NEDD4: variants seen among roughly 807,000 people sequenced by gnomAD.
NEDD4 encodes E3 ubiquitin-protein ligase NEDD4.
In NEDD4, 99 loss-of-function variants were observed where a neutral mutation model predicts 144.9. The observed-to-expected ratio is 0.68, with a 90% CI of 0.58 to 0.81. The LOEUF (loss-of-function observed/expected upper bound fraction) is 0.81. Among genes scored for constraint, NEDD4 ranks in the 30% least tolerant of loss-of-function variants. The probability of loss-of-function intolerance (pLI) is 0.00; values close to 1 mark genes in which losing one functional copy is unlikely to be tolerated. For missense variants in NEDD4, 985 were observed against 1,065.9 expected, an observed-to-expected ratio of 0.92 and a Z score of 1.06; for synonymous variants, 318 against 350.6, an observed-to-expected ratio of 0.91 and a Z score of 1.04.
At chr15:55,850,455 C>T in intron 14 of NEDD4, 87 bp downstream of exon 14, 1 of 1,227,454 alleles carries the variant, frequency 8.1e-7, no homozygotes, top group Non-Finnish European at 1.2e-6. Flanking sequence ...ATAGGTTATA[C>T]TAATACATAC....
intron 4 of NEDD4, among the ~76,000 whole-genome samples, chr15:55,936,511 T>C (rs560587276): frequency 6.6e-6 from 1 of 152,186 alleles, no homozygotes; most frequent in African/African-American, 2.4e-5. Context: ...CATTTCTCTT[T>C]ATTAAAAAAA....
intron 1 of NEDD4, among the ~76,000 whole-genome samples, chr15:55,982,662 G>C (rs2037823079): frequency 6.6e-6 from 1 of 152,182 alleles, no homozygotes. Flanking sequence ...TGGGTCATTG[G>C]CTTTACATGT....
chr15:55,864,226 A>G (rs1284084895), intron 8 of NEDD4, among the ~76,000 whole-genome samples: 4 of 152,206 alleles, frequency 2.6e-5, no homozygotes, highest in Admixed American at 2.6e-4. Flanking sequence ...AAACTGGTGA[A>G]GAAAACTTTA....
At position 55,974,887 on chromosome 15, in the gene NEDD4, C is replaced by CTTTTTTTTTTTTT. The variant is rs2037672792; in HGVS notation, c.46-8342_46-8341insAAAAAAAAAAAAA. 5.5e-5 allele frequency among the ~76,000 whole-genome samples: 4 copies of CTTTTTTTTTTTTT among 72,160 alleles called. No homozygotes were observed. The East Asian group carries it at 1.7e-3, about 30-fold the overall frequency. The allele number at this position is 72,160 out of a possible 152,430, so 47.3% of individuals were successfully genotyped here. A position where few individuals can be genotyped will look rare whatever the true frequency, so the allele number is the denominator to read the frequency against. On this transcript the variant is annotated intron_variant, in intron 1 of 28. Coordinates refer to ENST00000435532, the MANE Select transcript of NEDD4 (RefSeq NM_006154.4). Reference sequence around the variant, plus strand: ...AAGATAAGGATGTCCATTTCTTTTCCTTTCTTTTTTTTTTTTTTTTTTTTT... The same window carrying CTTTTTTTTTTTTT: ...AAGATAAGGATGTCCATTTCTTTTCCTTTTTTTTTTTTTTTTCTTTTTTTTTTTTTTTTTTTTT...
Position 55,856,193 on chromosome 15 carries a change from G to T in NEDD4, c.964C>A (p.His322Asn). ...TGTAAGCTGCCTCTTCTGCTGGAATGATTCTTGTGAAAAAACAAGACAACA... is the reference window on the plus strand; with the variant it reads ...TGTAAGCTGCCTCTTCTGCTGGAATTATTCTTGTGAAAAAACAAGACAACA... Reference protein sequence around the residue: ...AVSQPASSSNHSSRRGSLQAY... With the variant: ...AVSQPASSSNNSSRRGSLQAY... The change falls in exon 12 of 29, where the codon CAT becomes AAT. Residue 322 changes from histidine (H) to asparagine (N), a missense_variant. Physicochemically the swap from His to Asn is moderately conservative, Grantham distance 68. Coordinates refer to ENST00000435532, the MANE Select transcript of NEDD4 (RefSeq NM_006154.4). 1.2e-6 allele frequency: 2 copies of T among 1,609,898 alleles called. No homozygotes were observed. Among genetic ancestry groups the T allele is most frequent in the South Asian group, 2.2e-5 (2 of 89,894 alleles).
At chr15:55,909,868 T>C (rs2036214251) in intron 5 of NEDD4, among the ~76,000 whole-genome samples, 1 of 152,206 alleles carries the variant, frequency 6.6e-6, no homozygotes, top group Admixed American at 6.5e-5. Context: ...AGCTCTATTT[T>C]GTCTCGTCTT....
chr15:55,982,932 G>A (rs2037827370), intron 1 of NEDD4, among the ~76,000 whole-genome samples: 1 of 152,188 alleles, frequency 6.6e-6, no homozygotes, highest in African/African-American at 2.4e-5. Context: ...GACCAGCCTG[G>A]CCAACATGGT....
chr15:55,916,646 T>C, intron 5 of NEDD4: 6 of 1,614,008 alleles, frequency 3.7e-6, no homozygotes, highest in Non-Finnish European at 5.1e-6. Context: ...CGTTTTCCTT[T>C]ATTAACGGAG....
chr15:55,909,187 G>A (rs1355161078), intron 5 of NEDD4, among the ~76,000 whole-genome samples: 1 of 152,182 alleles, frequency 6.6e-6, no homozygotes, highest in Non-Finnish European at 1.5e-5. Flanking sequence ...CTTGTTCAAG[G>A]TGTTCTTTGT....
chr15:55,913,745 C>T (rs2036346716), intron 5 of NEDD4, among the ~76,000 whole-genome samples: 1 of 151,964 alleles, frequency 6.6e-6, no homozygotes, highest in South Asian at 2.1e-4. Flanking sequence ...TTAAAAAACA[C>T]ATTTAAAATA....
At chr15:55,988,013 G>A (rs1373226506) in intron 1 of NEDD4, 3 of 151,314 alleles carry the variant, frequency 2.0e-5, no homozygotes, top group Non-Finnish European at 2.9e-5. Context: ...TGTGAAGAAA[G>A]TCATTGCACA....
chr15:55,851,529 T>C (rs1046220903), intron 13 of NEDD4, among the ~76,000 whole-genome samples: 1 of 151,938 alleles, frequency 6.6e-6, no homozygotes, highest in East Asian at 1.9e-4. Flanking sequence ...CAGGCTGGAG[T>C]GCAATGGCAT....
chr15:55,913,577 T>C (rs1432721047), intron 5 of NEDD4, among the ~76,000 whole-genome samples: 2 of 152,064 alleles, frequency 1.3e-5, no homozygotes, highest in Non-Finnish European at 2.9e-5. Flanking sequence ...CACTTCTGAA[T>C]TATTTTATAA....
At chr15:55,908,975 AAGTTT>A (rs1431881608) in intron 5 of NEDD4, among the ~76,000 whole-genome samples, 3 of 152,224 alleles carry the variant, frequency 2.0e-5, no homozygotes, top group South Asian at 2.1e-4. Context: ...ATACTTAACT[AAGTTT>A]AGTTATAACT....
intron 7 of NEDD4, among the ~76,000 whole-genome samples, chr15:55,870,915 A>G (rs1382899204): frequency 6.6e-6 from 1 of 152,058 alleles, no homozygotes; most frequent in Non-Finnish European, 1.5e-5. Flanking sequence ...AGCTCTCTAT[A>G]TAGATTTTTT....
chr15:55,852,529 T>G lies in NEDD4; in HGVS notation c.1041A>C (p.Ser347=). 1 of 1,613,172 alleles carries G rather than the reference T, an allele frequency of 6.2e-7. No individual in the cohort carries two copies. Among genetic ancestry groups the G allele is most frequent in the Non-Finnish European group, 8.5e-7 (1 of 1,179,562 alleles). The change falls in exon 13 of 29, where the codon TCA becomes TCC. Residue 347 remains serine (S), a synonymous_variant. Coordinates refer to ENST00000435532, the MANE Select transcript of NEDD4 (RefSeq NM_006154.4). ...QPTLPVLLPT[S]SGLPPGWEEK... Reference sequence around the variant, plus strand: ...CTTCCCAACCTGGTGGTAATCCAGATGAAGTAGGCAAAAGCTAAAGTGAAG... The same window carrying G: ...CTTCCCAACCTGGTGGTAATCCAGAGGAAGTAGGCAAAAGCTAAAGTGAAG...
Position 55,873,944 on chromosome 15 carries a change from A to C in NEDD4, c.342+14T>G. On this transcript the variant is annotated intron_variant, in intron 6 of 28. Transcript: ENST00000435532. ...AATAAGCCCAAAAGGAAAATCATGGACACCTATACCAACCGGTAATGGATA... is the reference window on the plus strand; with the variant it reads ...AATAAGCCCAAAAGGAAAATCATGGCCACCTATACCAACCGGTAATGGATA... 6.9e-7 allele frequency: 1 copy of C among 1,455,588 alleles called. No individual in the cohort carries two copies. Among genetic ancestry groups the C allele is most frequent in the Non-Finnish European group, 9.2e-7 (1 of 1,086,068 alleles). 90.2% of individuals were successfully genotyped at this position (1,455,588 alleles called of 1,614,324 possible).
At position 55,827,833 on chromosome 15, in the gene NEDD4, CTT is replaced by C. The variant is rs1170940337; in HGVS notation, c.*2062_*2063del. The C allele has an allele frequency of 3.9e-5, 6 of 152,298 alleles. No homozygotes were observed. The highest frequency in any genetic ancestry group is 9.6e-5 in the African/African-American group (4 of 41,558). 9.4% of individuals were successfully genotyped at this position (152,298 alleles called of 1,614,324 possible). On this transcript the variant is annotated 3_prime_UTR_variant, in exon 29 of 29. Transcript: ENST00000435532. ...GAGTGTGGTCAATTTGCACACCTGACTTGACACAATCTGACGGTCAGCACAAA... is the reference window on the plus strand; with the variant it reads ...GAGTGTGGTCAATTTGCACACCTGACGACACAATCTGACGGTCAGCACAAA...
chr15:55,837,946 C>A, intron 23 of NEDD4, 97 bp from the exon 24 acceptor site: 1 of 1,067,972 alleles, frequency 9.4e-7, no homozygotes, highest in Non-Finnish European at 1.4e-6. Flanking sequence ...CTAGCTGAGA[C>A]CAAGGTAAAA....
Sources: allele counts gnomAD v4.1 joint callset (sites outside exome capture counted in the v4.1 genomes callset), GRCh38; gene constraint gnomAD v4.1.1; transcripts MANE v1.5; gene names NCBI Gene and HGNC (gene_info 2026-07-23, HGNC 2026-07-21).